The following APC variants were observed in gnomAD, a reference collection of about 807,000 sequenced individuals.
APC encodes adenomatous polyposis coli protein.
Under a neutral mutation model 247.0 loss-of-function variants are expected in APC, and 72 were observed. That is an observed-to-expected ratio of 0.29 (90% CI 0.24 to 0.35). The LOEUF is 0.35. APC is among the 10% of genes least tolerant of loss of function. The pLI is 1.00. For missense variants in APC, 3,400 were observed against 3,360.7 expected, an observed-to-expected ratio of 1.01 and a Z score of -0.29; for synonymous variants, 1,254 against 1,162.5, an observed-to-expected ratio of 1.08 and a Z score of -1.60.
chr5:112,774,986 A>T (rs1393931541), intron 4 of APC, among the ~76,000 whole-genome samples: 1 of 152,152 alleles, frequency 6.6e-6, no homozygotes, highest in East Asian at 1.9e-4. Flanking sequence ...TACTTTTTGT[A>T]CCTCTTGAGT....
At chr5:112,776,709 TG>T (rs1757688878) in intron 5 of APC, among the ~76,000 whole-genome samples, 1 of 151,966 alleles carries the variant, frequency 6.6e-6, no homozygotes, top group Non-Finnish European at 1.5e-5. Flanking sequence ...GACATGGTGG[TG>T]CATGCCTGTA....
At chr5:112,814,093 C>T (rs900522649) in intron 8 of APC, among the ~76,000 whole-genome samples, 1 of 152,160 alleles carries the variant, frequency 6.6e-6, no homozygotes, top group African/African-American at 2.4e-5. Context: ...AATGCAGCAG[C>T]GAACAGAATA....
upstream of APC, among the ~76,000 whole-genome samples, chr5:112,735,763 G>C (rs1752350379): frequency 6.6e-6 from 1 of 152,000 alleles, no homozygotes; most frequent in African/African-American, 2.4e-5. Context: ...TGAGTAATTG[G>C]CAACATAAAA....
Position 112,841,090 on chromosome 5 carries a change from TAGAGTC to T in APC, c.5501_5506del (p.Val1834_Arg1835del), listed in dbSNP as rs587778029. 2.4e-5 allele frequency: 38 copies of T among 1,612,888 alleles called. No individual in the cohort carries two copies. Among genetic ancestry groups the T allele is most frequent in the South Asian group, 8.8e-5 (8 of 91,056 alleles). On this transcript the variant is annotated inframe_deletion, in exon 16 of 16. Coordinates refer to ENST00000257430, the MANE Select transcript of APC (RefSeq NM_000038.6). This position sits in a 1 kb window ranked among gnomAD's most constrained non-coding sequence, Gnocchi z 4.6. ...ATGATAAGCTCCCAAATAATGAAGA[TAGAGTC>T]AGAGGAAGTTTTGCTTTTGATTCAC...
At chr5:112,760,777 G>A (rs1010105267) in intron 2 of APC, among the ~76,000 whole-genome samples, 3 of 151,830 alleles carry the variant, frequency 2.0e-5, no homozygotes, top group Non-Finnish European at 4.4e-5. Flanking sequence ...AAACCAGTTA[G>A]TTGTGAACTT....
chr5:112,805,713 C>T (rs79415340), intron 8 of APC, among the ~76,000 whole-genome samples: 4 of 152,096 alleles, frequency 2.6e-5, no homozygotes, highest in Admixed American at 2.0e-4. Flanking sequence ...ATTATTTGCT[C>T]AAAAGACAAA....
chr5:112,757,106 T>C (rs1042452559), intron 2 of APC, among the ~76,000 whole-genome samples: 3 of 152,152 alleles, frequency 2.0e-5, no homozygotes, highest in African/African-American at 7.2e-5. Flanking sequence ...ATAAATTTTA[T>C]TTTACTCAGC....
intron 11 of APC, among the ~76,000 whole-genome samples, chr5:112,825,076 C>CT (rs1401971357): frequency 6.6e-6 from 1 of 152,174 alleles, no homozygotes. Flanking sequence ...CCCTGAATCT[C>CT]TTATCTTTTC....
intron 2 of APC, among the ~76,000 whole-genome samples, chr5:112,759,816 T>TG (rs1755450210): frequency 1.3e-5 from 2 of 152,196 alleles, no homozygotes; most frequent in African/African-American, 4.8e-5. Flanking sequence ...AGCTGCCACT[T>TG]CTCAAAGAAC....
rs533776406 is a variant in APC at position 112,799,417 on chromosome 5, C to G, written c.730-1862C>G. Among the ~76,000 whole-genome samples the G allele has an allele frequency of 2.4e-4, 37 of 152,074 alleles. No homozygotes were observed. In the South Asian group the frequency reaches 7.5e-3, roughly 31 times the overall value. On this transcript the variant is annotated intron_variant, in intron 7 of 15. Transcript: ENST00000257430. Reference sequence around the variant, plus strand: ...AGACCTCTTCCTCCACTCCCCATATCCTGTCAGCGAACCCGATCAGATTTA... The same window carrying G: ...AGACCTCTTCCTCCACTCCCCATATGCTGTCAGCGAACCCGATCAGATTTA...
intron 14 of APC, among the ~76,000 whole-genome samples, chr5:112,830,640 A>G (rs1426162129): frequency 1.3e-5 from 2 of 152,222 alleles, no homozygotes; most frequent in Non-Finnish European, 2.9e-5. Context: ...AGAAATAACT[A>G]TGTCTGTCAG....
chr5:112,775,702 A>G lies in APC; in HGVS notation c.496A>G (p.Thr166Ala), dbSNP rs889134189. The G allele has an allele frequency of 6.2e-6, 10 of 1,600,368 alleles. No individual in the cohort carries two copies. Among genetic ancestry groups the G allele is most frequent in the Non-Finnish European group, 8.5e-6 (10 of 1,172,136 alleles). ...DWYYAQLQNLTKRIDSLPLTE... is the reference protein window; with the variant it reads ...DWYYAQLQNLAKRIDSLPLTE... ...GTATTACGCTCAACTTCAGAATCTC[A>G]CTAAAAGAATAGATAGTCTTCCTTT... Residue 166 changes from threonine (T) to alanine (A), a missense_variant, in exon 5 of 16, where the codon ACT becomes GCT. This residue lies in a region of APC where 372 missense variants were observed against 367.6 expected (regional missense o/e 1.01). Transcript: ENST00000257430.
intron 14 of APC, among the ~76,000 whole-genome samples, chr5:112,834,737 T>C (rs1185732178): frequency 6.6e-6 from 1 of 152,194 alleles, no homozygotes; most frequent in African/African-American, 2.4e-5. Flanking sequence ...TAGTTAAATA[T>C]TGTGTTCTGC....
At chr5:112,715,550 T>A (rs1325392928) in intron 1 of APC, among the ~76,000 whole-genome samples, 1 of 152,188 alleles carries the variant, frequency 6.6e-6, no homozygotes, top group African/African-American at 2.4e-5. Flanking sequence ...TTTTTGGTTT[T>A]GGAAGAGTTT....
chr5:112,767,471 AT>A, intron 4 of APC, 81 bp downstream of exon 4: 2 of 1,178,150 alleles, frequency 1.7e-6, no homozygotes, highest in Non-Finnish European at 2.5e-6. Flanking sequence ...TAAATTGTGA[AT>A]TTATAGTAGG....
At position 112,841,036 on chromosome 5, in the gene APC, G is replaced by A. The variant is rs1554086735; in HGVS notation, c.5442G>A (p.Gln1814=). ...VFSDNKDSKK[Q]NLKNNSKVFN... is the part of the protein sequence containing the mutation. ...CAGACAACAAAGATTCAAAGAAACA[G>A]AATTTGAAAAATAATTCCAAGGTCT... is the stretch of plus-strand genomic sequence containing the variant. Residue 1814 remains glutamine, a synonymous_variant, in exon 16 of 16, where the codon CAG becomes CAA. Coordinates refer to ENST00000257430, the MANE Select transcript of APC (RefSeq NM_000038.6). This position sits in a 1 kb window ranked among gnomAD's most constrained non-coding sequence, Gnocchi z 4.6. 6.2e-7 allele frequency: 1 copy of A among 1,610,856 alleles called. No individual in the cohort carries two copies. The highest frequency in any genetic ancestry group is 2.2e-5 in the East Asian group (1 of 44,844).
In APC at chr5:112,845,347, CCT is replaced by C. The variant is rs1161221517; in HGVS notation, c.*1224_*1225del. 1 of 232,726 alleles carries C rather than the reference CCT, an allele frequency of 4.3e-6. No individual in the cohort carries two copies. Among genetic ancestry groups the C allele is most frequent in the Non-Finnish European group, 8.5e-6 (1 of 117,550 alleles). 14.4% of individuals were successfully genotyped at this position (232,726 alleles called of 1,614,324 possible). A position where few individuals can be genotyped will look rare whatever the true frequency, so the allele number is the denominator to read the frequency against. ...TGAGCATAATAGGCCCACATAATTT[CCT>C]CTTTCTTAATATTATAGAATTCTGT... On this transcript the variant is annotated 3_prime_UTR_variant, in exon 16 of 16. Transcript: ENST00000257430.
In APC at chr5:112,834,974, G is replaced by C. The variant is rs2149841148; in HGVS notation, c.1767G>C (p.Leu589Phe). The C allele has an allele frequency of 6.2e-7, 1 of 1,613,948 alleles. No individual in the cohort carries two copies. The change falls in exon 15 of 16, where the codon TTG (leucine) becomes TTC (phenylalanine). Residue 589 changes from leucine (L) to phenylalanine (F), a missense_variant. Leu to Phe is a conservative substitution (Grantham distance 22). Around this residue, in one of 9 missense-constraint regions of APC, gnomAD observed 184 missense variants for 248.0 expected, o/e 0.74. Transcript: ENST00000257430. ...AGGAATCAACCCTCAAAAGCGTATT[G>C]AGTGCCTTATGGAATTTGTCAGCAC... ...VKKESTLKSV[L>F]SALWNLSAHC...
At chr5:112,735,496 C>CAT (rs1321709059), upstream of APC, among the ~76,000 whole-genome samples, 6 of 106,204 alleles carry the variant, frequency 5.6e-5, no homozygotes, top group East Asian at 4.9e-4. Flanking sequence ...ATTTTTAATG[C>CAT]ATACATATAT....
Sources: allele counts gnomAD v4.1 joint callset (sites outside exome capture counted in the v4.1 genomes callset), GRCh38; gene constraint gnomAD v4.1.1; regional missense constraint gnomAD v4.1.1; non-coding constraint Gnocchi (gnomAD v3.1); transcripts MANE v1.5; gene names NCBI Gene and HGNC (gene_info 2026-07-23, HGNC 2026-07-21).